The following KAT6B variants were observed in gnomAD, a reference collection of about 807,000 sequenced individuals.
The protein encoded by KAT6B is lysine acetyltransferase 6B.
KAT6B carries 10 observed loss-of-function variants against 187.5 expected under a neutral mutation model. That is an observed-to-expected ratio of 0.05 (90% CI 0.03 to 0.09). The LOEUF (loss-of-function observed/expected upper bound fraction) is 0.09. Ranked by LOEUF, KAT6B falls within the 10% of genes least tolerant of loss-of-function variation. The pLI is 1.00. For missense variants in KAT6B, 1,952 were observed against 2,558.9 expected, an observed-to-expected ratio of 0.76 and a Z score of 5.12; for synonymous variants, 861 against 926.8, an observed-to-expected ratio of 0.93 and a Z score of 1.29.
intron 3 of KAT6B, among the ~76,000 whole-genome samples, chr10:74,872,029 G>A (rs1486985898): frequency 1.3e-5 from 2 of 152,212 alleles, no homozygotes; most frequent in East Asian, 3.8e-4. Flanking sequence ...CTGGATAGGT[G>A]TGAGATAGAA....
chr10:75,022,428 G>A (rs1398396724), intron 16 of KAT6B, among the ~76,000 whole-genome samples, 197 bp downstream of exon 16: 3 of 152,146 alleles, frequency 2.0e-5, no homozygotes, highest in East Asian at 1.9e-4. Flanking sequence ...TTGTTAGTGC[G>A]GTGACAGGAA....
At chr10:74,834,366 T>G (rs1340000419) in intron 1 of KAT6B, among the ~76,000 whole-genome samples, 4 of 151,974 alleles carry the variant, frequency 2.6e-5, no homozygotes, top group Non-Finnish European at 2.9e-5. Flanking sequence ...CCTGGCTAAT[T>G]TTTTGTATTT....
chr10:74,935,891 A>AT (rs902371788), intron 3 of KAT6B, among the ~76,000 whole-genome samples: 2 of 152,140 alleles, frequency 1.3e-5, no homozygotes, highest in East Asian at 1.9e-4. Context: ...ATAGAAAATA[A>AT]TTTTTTTTAA....
At chr10:74,833,786 A>G (rs551018103) in intron 1 of KAT6B, among the ~76,000 whole-genome samples, 45 of 152,352 alleles carry the variant, frequency 3.0e-4, no homozygotes, top group African/African-American at 1.1e-3. Flanking sequence ...CCTCTTAGAA[A>G]TCCTTGGAAA....
intron 3 of KAT6B, among the ~76,000 whole-genome samples, chr10:74,943,881 T>C (rs192440491): frequency 2.0e-5 from 3 of 152,340 alleles, no homozygotes; most frequent in Admixed American, 1.3e-4. Context: ...ACAACACTTA[T>C]ATCTTATGTG....
intron 3 of KAT6B, among the ~76,000 whole-genome samples, chr10:74,852,470 G>A (rs1297099812): frequency 6.6e-6 from 1 of 152,204 alleles, no homozygotes; most frequent in African/African-American, 2.4e-5. Context: ...AGCTTCAGAA[G>A]TTCTTCACAA....
intron 3 of KAT6B, among the ~76,000 whole-genome samples, chr10:74,931,185 T>C (rs1848846103): frequency 6.6e-6 from 1 of 152,176 alleles, no homozygotes; most frequent in South Asian, 2.1e-4. Flanking sequence ...GGGCGGTCAG[T>C]GAAGAGGGCT....
At chr10:75,019,854 T>C (rs753496608) in intron 13 of KAT6B, among the ~76,000 whole-genome samples, 1 of 151,798 alleles carries the variant, frequency 6.6e-6, no homozygotes, top group Non-Finnish European at 1.5e-5. Flanking sequence ...CTTAAGATGC[T>C]GGGGGATTTT....
chr10:74,975,667 C>G lies in KAT6B; in HGVS notation c.1330C>G (p.Pro444Ala). The G allele has an allele frequency of 6.2e-7, 1 of 1,614,186 alleles. No individual in the cohort carries two copies. The highest frequency in any genetic ancestry group is 8.5e-7 in the Non-Finnish European group (1 of 1,180,030). Residue 444 changes from proline (P) to alanine (A), a missense_variant, in exon 8 of 18, where the codon CCA becomes GCA. By Grantham distance (27) the Pro-to-Ala change is conservative. This residue lies in a region of KAT6B where 417 missense variants were observed against 508.9 expected (regional missense o/e 0.82). Transcript: ENST00000287239. ...TGATGGCCTTACTAAGTTTTTTACA[C>G]CATCACCTGATGGTCGCAGATCACG... is the stretch of plus-strand genomic sequence containing the variant. ...LIDGLTKFFTPSPDGRRSRGE... is the reference protein window; with the variant it reads ...LIDGLTKFFTASPDGRRSRGE...
At chr10:75,016,529 G>A (rs896786908) in intron 13 of KAT6B, among the ~76,000 whole-genome samples, 5 of 152,230 alleles carry the variant, frequency 3.3e-5, no homozygotes, top group African/African-American at 1.2e-4. Context: ...TGATGTGGAT[G>A]AGGGGTTTAT....
chr10:75,022,001 T>G lies in KAT6B; in HGVS notation c.3142T>G (p.Ser1048Ala). The change falls in exon 16 of 18, where the codon TCC becomes GCC. Residue 1048 changes from serine to alanine, a missense_variant. Ser to Ala is a moderately conservative substitution (Grantham distance 99). This residue lies in a region of KAT6B where 758 missense variants were observed against 891.4 expected (regional missense o/e 0.85). Transcript: ENST00000287239. ...ACAATCGAAAAATAAATATTTGCAT[T>G]CCCCGGAGAGCCGGCCAGTCACAGG... ...KVQSKNKYLH[S>A]PESRPVTGER... is the part of the protein sequence containing the mutation. 3.1e-6 allele frequency: 5 copies of G among 1,613,956 alleles called. No individual in the cohort carries two copies. Among genetic ancestry groups the G allele is most frequent in the Non-Finnish European group, 4.2e-6 (5 of 1,180,002 alleles).
intron 3 of KAT6B, among the ~76,000 whole-genome samples, chr10:74,873,710 A>C (rs533772843): frequency 6.6e-6 from 1 of 152,196 alleles, no homozygotes; most frequent in East Asian, 1.9e-4. Context: ...AGAGAGAGGG[A>C]GGTAGATGTT....
intron 3 of KAT6B, among the ~76,000 whole-genome samples, chr10:74,892,568 G>A (rs1205640917): frequency 6.6e-6 from 1 of 152,144 alleles, no homozygotes; most frequent in African/African-American, 2.4e-5. Context: ...ACCAACCTGT[G>A]TAAGAGAAGA....
upstream of KAT6B, among the ~76,000 whole-genome samples, chr10:74,826,171 C>T (rs1017426894): frequency 2.0e-5 from 3 of 152,028 alleles, no homozygotes; most frequent in African/African-American, 4.8e-5. Flanking sequence ...GAAAAGGCCT[C>T]CTGATTGGCG....
chr10:74,844,258 G>A lies in KAT6B; in HGVS notation c.621+780G>A, dbSNP rs540537152. Among the ~76,000 whole-genome samples the A allele has an allele frequency of 1.3e-3, 196 of 151,968 alleles. 1 individual carries two copies. The highest frequency in any genetic ancestry group is 4.5e-3 in the African/African-American group (188 of 41,446). ...TTGTTGCCCAGGCTGGAGTGCAGTG[G>A]CACAATCTCGGCTCACTGCAACCTC... On this transcript the variant is annotated intron_variant, in intron 3 of 17. Coordinates refer to ENST00000287239, the MANE Select transcript of KAT6B (RefSeq NM_012330.4).
intron 13 of KAT6B, among the ~76,000 whole-genome samples, chr10:75,002,697 A>C (rs995526586): frequency 2.1e-4 from 32 of 152,224 alleles, no homozygotes; most frequent in African/African-American, 7.7e-4. Context: ...GTATCTAAAC[A>C]TATCTAAATA....
chr10:74,968,385 T>C (rs1049918219), intron 4 of KAT6B, among the ~76,000 whole-genome samples: 17 of 143,180 alleles, frequency 1.2e-4, no homozygotes, highest in African/African-American at 4.3e-4. Flanking sequence ...ATGTTTAGAG[T>C]TTTTTTTTTT....
chr10:74,863,505 C>A (rs891323029), intron 3 of KAT6B, among the ~76,000 whole-genome samples: 1 of 152,168 alleles, frequency 6.6e-6, no homozygotes, highest in Admixed American at 6.5e-5. Flanking sequence ...ACTATGAATT[C>A]TTTTTCTAAA....
chr10:74,959,199 C>T (rs910752646), intron 3 of KAT6B, among the ~76,000 whole-genome samples: 1 of 152,084 alleles, frequency 6.6e-6, no homozygotes, highest in African/African-American at 2.4e-5. Context: ...GAATCCTGCT[C>T]ATTCTATTAT....
Sources: allele counts gnomAD v4.1 joint callset (sites outside exome capture counted in the v4.1 genomes callset), GRCh38; gene constraint gnomAD v4.1.1; regional missense constraint gnomAD v4.1.1; transcripts MANE v1.5; gene names NCBI Gene and HGNC (gene_info 2026-07-23, HGNC 2026-07-21).